CHAF1A: variants seen among roughly 807,000 people sequenced by gnomAD.
CHAF1A encodes CAF-1 subunit A.
CHAF1A carries 5 observed loss-of-function variants against 93.2 expected under a neutral mutation model. That is an observed-to-expected ratio of 0.05 (90% CI 0.03 to 0.11). The LOEUF is 0.11. Among genes scored for constraint, CHAF1A ranks in the 10% least tolerant of loss-of-function variants. The pLI, the probability that CHAF1A is intolerant of heterozygous loss-of-function variation, is 1.00. For synonymous variants in CHAF1A, 504 were observed against 510.3 expected (o/e 0.99, Z 0.17); for missense variants, 1,102 against 1,259.9 (o/e 0.87, Z 1.90).
intron 7 of CHAF1A, among the ~76,000 whole-genome samples, chr19:4,425,283 C>G (rs557669871): frequency 4.6e-5 from 7 of 152,226 alleles, no homozygotes; most frequent in African/African-American, 1.7e-4. Context: ...CGGAGTATTG[C>G]TCTGTCACCC....
rs564054233 is a variant in CHAF1A, at chr19:4,405,597, G to C, written c.53-315G>C. Among the ~76,000 whole-genome samples, 4 of 148,946 alleles carry C rather than the reference G, an allele frequency of 2.7e-5. No individual in the cohort carries two copies. In the South Asian group the frequency reaches 8.5e-4, roughly 32 times the overall value. On this transcript the variant is annotated intron_variant, in intron 1 of 14. Coordinates refer to ENST00000301280, the MANE Select transcript of CHAF1A (RefSeq NM_005483.3). ...CACTCCAGCCTGGGCGACAGAGTGA[G>C]ACTCTGTCTCCAAAAAAAAAAAAAA...
At chr19:4,445,321 G>A (rs1599670820), downstream of CHAF1A, 1 of 1,078,544 alleles carries the variant, frequency 9.3e-7, no homozygotes, top group East Asian at 2.4e-5. Flanking sequence ...AGCCCCCAAG[G>A]GATGGGGGCT....
chr19:4,424,365 C>T (rs1974043297), intron 7 of CHAF1A, among the ~76,000 whole-genome samples: 1 of 152,230 alleles, frequency 6.6e-6, no homozygotes, highest in African/African-American at 2.4e-5. Flanking sequence ...CAGTGCCTTT[C>T]CCTGCTCCAC....
chr19:4,434,718 C>T (rs1284216609), intron 13 of CHAF1A, among the ~76,000 whole-genome samples: 2 of 150,718 alleles, frequency 1.3e-5, no homozygotes, highest in Non-Finnish European at 2.9e-5. Flanking sequence ...TATTTTTGTT[C>T]AACGGTTCTT....
chr19:4,430,145 G>A, intron 10 of CHAF1A: 2 of 348,938 alleles, frequency 5.7e-6, no homozygotes, highest in South Asian at 3.0e-5. Context: ...CGTGTCTGTC[G>A]GGAGGCCATG....
At position 4,436,186 on chromosome 19, in the gene CHAF1A, G is replaced by A. The variant is rs530790269; in HGVS notation, c.2673+2647G>A. 2.2e-4 allele frequency among the ~76,000 whole-genome samples: 34 copies of A among 152,054 alleles called. No individual in the cohort carries two copies. The South Asian group carries it at 2.9e-3, about 13-fold the overall frequency. On this transcript the variant is annotated intron_variant, in intron 13 of 14. Coordinates refer to ENST00000301280, the MANE Select transcript of CHAF1A (RefSeq NM_005483.3). ...AGGTGGTCGTTAGGGGCAGGGAGGC[G>A]AGAGAAATGGCTCCTGAGATGATGC... is the stretch of plus-strand genomic sequence containing the variant.
downstream of CHAF1A, chr19:4,445,730 C>T: frequency 6.6e-7 from 1 of 1,522,154 alleles, no homozygotes; most frequent in Non-Finnish European, 8.8e-7. Context: ...TGGAAGCCAT[C>T]TCAGCTGGTG....
intron 12 of CHAF1A, 89 bp downstream of exon 12, chr19:4,432,296 G>A (rs1439238499): frequency 1.6e-5 from 22 of 1,406,238 alleles, no homozygotes; most frequent in Middle Eastern, 5.2e-4. Context: ...TAGTGGGTCC[G>A]TGATGCAAAT....
At chr19:4,445,372 C>T (rs888848410), downstream of CHAF1A, 4 of 1,480,906 alleles carry the variant, frequency 2.7e-6, no homozygotes, top group Admixed American at 7.9e-5. Context: ...GGCTGGCGCC[C>T]CTCCCGTGCC....
downstream of CHAF1A, chr19:4,447,181 G>C (rs1406452586): frequency 1.7e-6 from 1 of 588,192 alleles, no homozygotes; most frequent in Non-Finnish European, 3.0e-6. Context: ...ACACTGCTGG[G>C]GCCTGATGCG....
chr19:4,416,533 G>C (rs1327505089), intron 3 of CHAF1A, among the ~76,000 whole-genome samples: 1 of 152,136 alleles, frequency 6.6e-6, no homozygotes, highest in East Asian at 1.9e-4. Flanking sequence ...TGCCCTAGAA[G>C]GTAGAAGTCC....
At chr19:4,425,664 C>T (rs902667474) in intron 7 of CHAF1A, among the ~76,000 whole-genome samples, 3 of 152,206 alleles carry the variant, frequency 2.0e-5, no homozygotes, top group Non-Finnish European at 2.9e-5. Context: ...AACCTCTTTG[C>T]CCCTCAGTGG....
intron 3 of CHAF1A, among the ~76,000 whole-genome samples, chr19:4,416,393 C>A (rs1040562407): frequency 6.6e-6 from 1 of 152,182 alleles, no homozygotes; most frequent in African/African-American, 2.4e-5. Context: ...ATAGCTTAGG[C>A]CAAAGTCCAG....
rs1449437847 is a variant in CHAF1A, at chr19:4,423,888, TG to T, written c.1377+15del. 1 of 1,613,618 alleles carries T rather than the reference TG, an allele frequency of 6.2e-7. No homozygotes were observed. Among genetic ancestry groups the T allele is most frequent in the Non-Finnish European group, 8.5e-7 (1 of 1,179,534 alleles). On this transcript the variant is annotated intron_variant, in intron 7 of 14. Coordinates refer to ENST00000301280, the MANE Select transcript of CHAF1A (RefSeq NM_005483.3). ...CAGGCCCCCAAGGTGAGCAGCCGGC[TG>T]CCTTTGCTTTTGGGTTTCAGCTCTG...
downstream of CHAF1A, chr19:4,448,482 G>A (rs1325791871): frequency 2.3e-6 from 3 of 1,301,458 alleles, no homozygotes; most frequent in Non-Finnish European, 3.2e-6. Context: ...CCGCTGCCCA[G>A]GTAACAGGGG....
intron 7 of CHAF1A, among the ~76,000 whole-genome samples, chr19:4,427,877 C>G (rs576407292): frequency 6.6e-6 from 1 of 151,738 alleles, no homozygotes; most frequent in African/African-American, 2.4e-5. Context: ...CGTGAGCCAC[C>G]GCGCCTGGCC....
Position 4,433,603 on chromosome 19 carries a change from G to GT in CHAF1A, c.2673+68dup. 3 of 1,352,830 alleles carry GT rather than the reference G, an allele frequency of 2.2e-6. No individual in the cohort carries two copies. Among genetic ancestry groups the GT allele is most frequent in the African/African-American group, 2.9e-5 (2 of 68,164 alleles). The allele number at this position is 1,352,830 out of a possible 1,614,324, so 83.8% of individuals were successfully genotyped here. ...TTTCTTTTTTTGTTTGTTTTTTGTT[G>GT]TTTTGTTTTTTTTTCGAGATGGAGT... On this transcript the variant is annotated intron_variant, in intron 13 of 14. Transcript: ENST00000301280. The surrounding 1 kb of genome is among the most constrained non-coding windows in gnomAD (Gnocchi z 5.6).
At chr19:4,408,528 C>T (rs1405266475) in intron 2 of CHAF1A, among the ~76,000 whole-genome samples, 1 of 124,914 alleles carries the variant, frequency 8.0e-6, no homozygotes, top group Non-Finnish European at 1.6e-5. Flanking sequence ...GGCTACAGTG[C>T]AGTGTTGGGA....
intron 3 of CHAF1A, among the ~76,000 whole-genome samples, chr19:4,411,644 C>CTGTTTTTTTTTTTTTTTTTT (rs1973801951): frequency 2.1e-5 from 1 of 48,204 alleles, no homozygotes; most frequent in Non-Finnish European, 4.1e-5. Flanking sequence ...TGGTGCAAAT[C>CTGTTTTTTTTTTTTTTTTTT]TTTTTTTTTT....
Sources: gnomAD v4.1 joint callset for allele counts (sites outside exome capture counted in the v4.1 genomes callset) on GRCh38, gnomAD v4.1.1 for gene constraint, Gnocchi (gnomAD v3.1) non-coding constraint, MANE v1.5 for transcripts, NCBI Gene and HGNC (gene_info 2026-07-23, HGNC 2026-07-21) for gene names.